Variants in CLYBL observed in about 807,000 individuals in gnomAD.
CLYBL encodes citramalyl-CoA lyase, also known as citramalyl-CoA lyase, mitochondrial.
A neutral mutation model predicts 38.9 loss-of-function variants in CLYBL; 31 were observed. The observed-to-expected ratio is 0.80, with a 90% confidence interval of 0.60 to 1.08. The LOEUF is 1.08. Among genes scored for constraint, CLYBL ranks in the 50% least tolerant of loss-of-function variants. The pLI is 0.00. For synonymous variants in CLYBL, 171 were observed against 158.6 expected, an observed-to-expected ratio of 1.08 and a Z score of -0.59; for missense variants, 434 against 411.6, an observed-to-expected ratio of 1.05 and a Z score of -0.47.
At chr13:99,789,839 C>T (rs1332049752) in intron 2 of CLYBL, among the ~76,000 whole-genome samples, 1 of 152,134 alleles carries the variant, frequency 6.6e-6, no homozygotes, top group Admixed American at 6.6e-5. Context: ...GTCTAAGTCT[C>T]TTTGTAGATC....
intron 2 of CLYBL, among the ~76,000 whole-genome samples, chr13:99,809,390 G>T (rs1207739495): frequency 6.6e-6 from 1 of 152,194 alleles, no homozygotes; most frequent in East Asian, 1.9e-4. Flanking sequence ...CCTCTCCGAT[G>T]GTGGGCTCAA....
intron 7 of CLYBL, among the ~76,000 whole-genome samples, chr13:99,873,893 TA>T (rs112572932): frequency 0.011 from 1,636 of 152,302 alleles, 31 homozygotes; most frequent in African/African-American, 0.037. Flanking sequence ...TTATTTTAAT[TA>T]AAAGTCCTAA....
At chr13:99,650,717 C>A (rs1342852681) in intron 1 of CLYBL, among the ~76,000 whole-genome samples, 1 of 152,188 alleles carries the variant, frequency 6.6e-6, no homozygotes, top group African/African-American at 2.4e-5. Context: ...GGATTCTGTG[C>A]ATCTCCACAT....
chr13:99,616,664 A>G (rs753672280), intron 1 of CLYBL, among the ~76,000 whole-genome samples: 7 of 152,134 alleles, frequency 4.6e-5, no homozygotes, highest in Non-Finnish European at 7.4e-5. Context: ...ATTTAATAAT[A>G]AAGGAATGGG....
At chr13:99,753,134 G>A (rs2048988147) in intron 1 of CLYBL, among the ~76,000 whole-genome samples, 1 of 152,124 alleles carries the variant, frequency 6.6e-6, no homozygotes, top group Non-Finnish European at 1.5e-5. Flanking sequence ...TGGTCCCGAG[G>A]TGAGCAGGAA....
At chr13:99,901,033 G>T (rs1302235584), downstream of CLYBL, among the ~76,000 whole-genome samples, 1 of 152,188 alleles carries the variant, frequency 6.6e-6, no homozygotes, top group Non-Finnish European at 1.5e-5. Flanking sequence ...ATTTTCTGCT[G>T]GGGGCTGGTC....
chr13:99,813,967 C>A (rs2050392161), intron 2 of CLYBL, among the ~76,000 whole-genome samples: 1 of 152,160 alleles, frequency 6.6e-6, no homozygotes, highest in Non-Finnish European at 1.5e-5. Context: ...CTCCAACTGC[C>A]AAAGCCTCTT....
intron 1 of CLYBL, among the ~76,000 whole-genome samples, chr13:99,620,196 A>C (rs1275596507): frequency 6.6e-6 from 1 of 152,186 alleles, no homozygotes; most frequent in African/African-American, 2.4e-5. Context: ...AACTCAGGAG[A>C]AAGAGAAGGT....
intron 1 of CLYBL, among the ~76,000 whole-genome samples, chr13:99,615,778 A>C (rs1013205417): frequency 6.6e-6 from 1 of 151,944 alleles, no homozygotes; most frequent in Non-Finnish European, 1.5e-5. Flanking sequence ...TTCTCACCCC[A>C]TCCTCCCTAC....
At chr13:99,824,257 G>GCCCTCCCCCCCC (rs2050646713) in intron 2 of CLYBL, among the ~76,000 whole-genome samples, 1 of 130,414 alleles carries the variant, frequency 7.7e-6, no homozygotes, top group African/African-American at 2.9e-5. Context: ...CTGACTAATA[G>GCCCTCCCCCCCC]CCCCCCCCAC....
At chr13:99,702,994 C>CT (rs2048092232) in intron 1 of CLYBL, among the ~76,000 whole-genome samples, 1 of 152,198 alleles carries the variant, frequency 6.6e-6, no homozygotes, top group Admixed American at 6.5e-5. Flanking sequence ...AATACAGTAT[C>CT]TTTTCAAAAG....
chr13:99,822,217 G>A (rs1440729064), intron 2 of CLYBL, among the ~76,000 whole-genome samples: 2 of 152,204 alleles, frequency 1.3e-5, no homozygotes, highest in African/African-American at 2.4e-5. Context: ...AAATGGTTGT[G>A]GTTGTAAGCC....
chr13:99,748,931 C>G (rs1294805790), intron 1 of CLYBL, among the ~76,000 whole-genome samples: 1 of 152,126 alleles, frequency 6.6e-6, no homozygotes, highest in Non-Finnish European at 1.5e-5. Context: ...GTAATCCCAA[C>G]ACTTTGGGAG....
At chr13:99,716,371 C>G (rs1017154128) in intron 1 of CLYBL, among the ~76,000 whole-genome samples, 9 of 131,710 alleles carry the variant, frequency 6.8e-5, no homozygotes, top group Admixed American at 6.7e-4. Flanking sequence ...TGAGACTGGC[C>G]TATATTTTTC....
rs376271949 is a variant in CLYBL at position 99,666,217 on chromosome 13, G to A, written c.62+59460G>A. 2.0e-5 allele frequency among the ~76,000 whole-genome samples: 3 copies of A among 152,158 alleles called. No homozygotes were observed. In the South Asian group the frequency reaches 6.2e-4, roughly 32 times the overall value. The stretch of plus-strand genomic sequence containing the variant: ...ACGGGGGTTAAGGGAAGAGGGGATG[G>A]ATGGGGAGGGCGTGGTGCAGGGAGG... On this transcript the variant is annotated intron_variant, in intron 1 of 8. Transcript: ENST00000339105.
At position 99,664,529 on chromosome 13, in the gene CLYBL, A is replaced by G. The variant is rs532998044; in HGVS notation, c.62+57772A>G. ...ATGATTACTAAAGATACCTTTGCGTAGTACTTTATAATTTCCATGTACTTT... is the reference window on the plus strand; with the variant it reads ...ATGATTACTAAAGATACCTTTGCGTGGTACTTTATAATTTCCATGTACTTT... On this transcript the variant is annotated intron_variant, in intron 1 of 8. Transcript: ENST00000339105. 1.4e-4 allele frequency among the ~76,000 whole-genome samples: 21 copies of G among 152,358 alleles called. No homozygotes were observed. In the South Asian group the frequency reaches 4.1e-3, roughly 30 times the overall value.
intron 1 of CLYBL, among the ~76,000 whole-genome samples, chr13:99,770,598 T>G (rs2049368781): frequency 6.6e-6 from 1 of 152,008 alleles, no homozygotes; most frequent in Admixed American, 6.6e-5. Context: ...ATTACAGGCG[T>G]GAGCCACCGC....
intron 1 of CLYBL, among the ~76,000 whole-genome samples, chr13:99,751,721 G>A (rs2048961704): frequency 6.6e-6 from 1 of 152,198 alleles, no homozygotes; most frequent in South Asian, 2.1e-4. Flanking sequence ...AAGATGAAGA[G>A]TTCTGGAGAT....
At chr13:99,683,610 T>G (rs2047770927) in intron 1 of CLYBL, among the ~76,000 whole-genome samples, 1 of 152,020 alleles carries the variant, frequency 6.6e-6, no homozygotes, top group African/African-American at 2.4e-5. Flanking sequence ...GTCTTCCACC[T>G]CTACAGCTTG....
Sources: allele counts gnomAD v4.1 joint callset (sites outside exome capture counted in the v4.1 genomes callset), GRCh38; gene constraint gnomAD v4.1.1; transcripts MANE v1.5; gene names NCBI Gene and HGNC (gene_info 2026-07-23, HGNC 2026-07-21).